The following CUX1 variants were observed in gnomAD, a reference collection of about 807,000 sequenced individuals.
CUX1 encodes the protein cut like homeobox 1.
Under a neutral mutation model 158.8 loss-of-function variants are expected in CUX1, and 31 were observed. The observed-to-expected ratio is 0.20, with a 90% CI of 0.15 to 0.26. The LOEUF is 0.26. CUX1 is among the 10% of genes least tolerant of loss of function. The pLI is 1.00. For synonymous variants in CUX1, 879 were observed against 862.1 expected, an observed-to-expected ratio of 1.02 and a Z score of -0.34; for missense variants, 1,589 against 2,014.6, an observed-to-expected ratio of 0.79 and a Z score of 4.04.
intron 5 of CUX1, among the ~76,000 whole-genome samples, chr7:102,103,886 T>A (rs1230242105): frequency 6.6e-6 from 1 of 152,196 alleles, no homozygotes; most frequent in Non-Finnish European, 1.5e-5. Context: ...GTAGACTTTC[T>A]TGACTCCACT....
intron 8 of CUX1, chr7:102,153,888 G>C (rs1372946099): frequency 6.6e-6 from 1 of 152,348 alleles, no homozygotes; most frequent in Non-Finnish European, 1.5e-5. Context: ...CACCACAAAG[G>C]CACTCAGGGA....
chr7:101,906,387 A>G (rs1802758024), intron 1 of CUX1, among the ~76,000 whole-genome samples: 1 of 151,572 alleles, frequency 6.6e-6, no homozygotes, highest in South Asian at 2.1e-4. Flanking sequence ...ATTTTTTGGA[A>G]GAGAGAAAGG....
In CUX1 at chr7:102,170,504, A is replaced by T. The variant is rs139855321; in HGVS notation, c.782A>T (p.Asn261Ile). The T allele has an allele frequency of 1.9e-6, 3 of 1,592,886 alleles. No homozygotes were observed. The highest frequency in any genetic ancestry group is 1.7e-6 in the Non-Finnish European group (2 of 1,169,318). ...ETLREQLSSA[N>I]HSLQLASQIQ... ...TTAAGGGAACAGCTCTCATCGGCCA[A>T]TCACTCCCTCCAGCTGGCCTCACAG... Residue 261 changes from asparagine to isoleucine, a missense_variant, in exon 10 of 24, where the codon AAT becomes ATT. Physicochemically the swap from Asn to Ile is moderately radical, Grantham distance 149. Transcript: ENST00000292535.
At chr7:102,158,369 A>T (rs1289162050) in intron 8 of CUX1, among the ~76,000 whole-genome samples, 191 bp from the exon 9 acceptor site, 2 of 152,110 alleles carry the variant, frequency 1.3e-5, no homozygotes, top group Non-Finnish European at 2.9e-5. Context: ...ACACATGATT[A>T]TCAAAAGAGC....
At chr7:102,262,394 T>TGATGGATGGATGGATG (rs1790460780), downstream of CUX1, among the ~76,000 whole-genome samples, 1 of 4,830 alleles carries the variant, frequency 2.1e-4, no homozygotes, top group East Asian at 8.9e-3. Flanking sequence ...CAAGACTCCA[T>TGATGGATGGATGGATG]CATGGATGGA....
Position 102,143,663 on chromosome 7 carries a change from A to G in CUX1, c.675-14897A>G, listed in dbSNP as rs540446670. Among the ~76,000 whole-genome samples, 47 of 152,188 alleles carry G rather than the reference A, an allele frequency of 3.1e-4. 3 individuals are homozygous for G. The South Asian group carries it at 8.5e-3, about 27-fold the overall frequency. On this transcript the variant is annotated intron_variant, in intron 8 of 23. Transcript: ENST00000292535. ...TTATAGAGATGTGCTCTTTGTATAC[A>G]TTTTTTTCCCCTTGGCAAGTGGGTA... is the stretch of plus-strand genomic sequence containing the variant.
intron 3 of CUX1, among the ~76,000 whole-genome samples, chr7:102,061,194 G>T (rs534334880): frequency 1.6e-4 from 24 of 152,266 alleles, no homozygotes; most frequent in African/African-American, 4.3e-4. Flanking sequence ...AAAGTGCTGG[G>T]ATTTACAGGC....
intron 1 of CUX1, among the ~76,000 whole-genome samples, chr7:101,876,660 G>T (rs1431272448): frequency 6.6e-6 from 1 of 151,604 alleles, no homozygotes; most frequent in Non-Finnish European, 1.5e-5. Context: ...GGGCCACTGT[G>T]CTCTGACCTG....
At chr7:102,087,278 GTTACT>G (rs1445495506) in intron 4 of CUX1, among the ~76,000 whole-genome samples, 1 of 151,844 alleles carries the variant, frequency 6.6e-6, no homozygotes, top group Non-Finnish European at 1.5e-5. Flanking sequence ...TTTCTTAAGG[GTTACT>G]TTAAAGTGAA....
At chr7:101,856,182 C>CAAAAA (rs768518044) in intron 1 of CUX1, among the ~76,000 whole-genome samples, 1 of 48,044 alleles carries the variant, frequency 2.1e-5, no homozygotes, top group East Asian at 6.8e-4. Context: ...GACCCTGTCT[C>CAAAAA]AAAAAAAAAA....
chr7:101,870,178 G>T (rs1302218029), intron 1 of CUX1, among the ~76,000 whole-genome samples: 1 of 127,854 alleles, frequency 7.8e-6, no homozygotes, highest in Non-Finnish European at 1.6e-5. Flanking sequence ...TTTAAAGACA[G>T]CATCTCCCTT....
intron 12 of CUX1, among the ~76,000 whole-genome samples, 185 bp from the exon 13 acceptor site, chr7:102,193,657 T>G (rs1344995386): frequency 6.6e-6 from 1 of 152,068 alleles, no homozygotes; most frequent in Non-Finnish European, 1.5e-5. Flanking sequence ...ATACAAAAAT[T>G]AGCTGGGCAT....
At chr7:101,872,365 C>T (rs777558378) in intron 1 of CUX1, among the ~76,000 whole-genome samples, 5 of 151,980 alleles carry the variant, frequency 3.3e-5, no homozygotes, top group Non-Finnish European at 4.4e-5. Flanking sequence ...AATTCCTGAC[C>T]TCAAATGATC....
chr7:101,997,044 T>G (rs931728985), intron 2 of CUX1, among the ~76,000 whole-genome samples: 1 of 151,076 alleles, frequency 6.6e-6, no homozygotes, highest in Non-Finnish European at 1.5e-5. Context: ...ACCTGGCTCT[T>G]GTCTTGTGTC....
chr7:101,927,348 A>G (rs1805711253), intron 2 of CUX1, among the ~76,000 whole-genome samples: 1 of 152,130 alleles, frequency 6.6e-6, no homozygotes, highest in Non-Finnish European at 1.5e-5. Flanking sequence ...CAGGGATGCT[A>G]TTTAATCTGG....
chr7:101,945,230 C>A (rs1471172361), intron 2 of CUX1, among the ~76,000 whole-genome samples: 1 of 152,146 alleles, frequency 6.6e-6, no homozygotes. Context: ...GGCTTCCACC[C>A]AGGCAGGCTC....
chr7:101,825,796 T>TGTGC (rs754267016), intron 1 of CUX1, among the ~76,000 whole-genome samples: 1 of 82,780 alleles, frequency 1.2e-5, no homozygotes, highest in African/African-American at 5.7e-5. Context: ...TGTGTGTGTG[T>TGTGC]GTGCGCGCGC....
intron 22 of CUX1, among the ~76,000 whole-genome samples, chr7:102,237,046 G>C (rs1229512606): frequency 6.6e-6 from 1 of 152,088 alleles, no homozygotes; most frequent in Non-Finnish European, 1.5e-5. Context: ...CTGGTCAGTC[G>C]TCTGTCCCCT....
chr7:101,887,842 C>CCTTTTTTTTTTTTTTTTTTTTTTTTTTT (rs1562966470), intron 1 of CUX1, among the ~76,000 whole-genome samples: 2 of 135,038 alleles, frequency 1.5e-5, no homozygotes, highest in Non-Finnish European at 1.6e-5. Context: ...ATGACGGTGA[C>CCTTTTTTTTTTTTTTTTTTTTTTTTTTT]ATTTTTTTTT....
Sources: gnomAD v4.1 joint callset for allele counts (sites outside exome capture counted in the v4.1 genomes callset) on GRCh38, gnomAD v4.1.1 for gene constraint, MANE v1.5 for transcripts, NCBI Gene and HGNC (gene_info 2026-07-23, HGNC 2026-07-21) for gene names.